The following BRME1 variants were observed in gnomAD, a reference collection of about 807,000 sequenced individuals.
BRME1 encodes break repair meiotic recombinase recruitment factor 1.
BRME1 carries 31 observed loss-of-function variants against 52.6 expected under a neutral mutation model. That is an observed-to-expected ratio of 0.59 (90% CI 0.44 to 0.80). The LOEUF (loss-of-function observed/expected upper bound fraction) is 0.80, where lower values mean the gene tolerates loss of function less well. BRME1 is among the 30% of genes least tolerant of loss of function. The probability of loss-of-function intolerance (pLI) is 0.00; values close to 1 mark genes in which losing one functional copy is unlikely to be tolerated. For missense variants in BRME1, 804 were observed against 860.3 expected, an observed-to-expected ratio of 0.93 and a Z score of 0.82; for synonymous variants, 359 against 353.6, an observed-to-expected ratio of 1.02 and a Z score of -0.17.
chr19:13,899,604 G>A (rs1970159150), intron 2 of BRME1, among the ~76,000 whole-genome samples: 1 of 152,150 alleles, frequency 6.6e-6, no homozygotes, highest in Admixed American at 6.6e-5. Flanking sequence ...TGAGTGCAAT[G>A]CACCCTTTGA....
intron 2 of BRME1, among the ~76,000 whole-genome samples, chr19:13,897,714 T>G (rs1970004917): frequency 6.6e-6 from 1 of 151,658 alleles, no homozygotes; most frequent in South Asian, 2.1e-4. Flanking sequence ...GTACGAAAAT[T>G]AGCCAAACAT....
chr19:13,902,601 G>A (rs895804798), intron 2 of BRME1, among the ~76,000 whole-genome samples: 1 of 147,954 alleles, frequency 6.8e-6, no homozygotes, highest in African/African-American at 2.5e-5. Flanking sequence ...GCGCCAGCCT[G>A]GGCAACAAGA....
chr19:13,889,966 C>T lies in BRME1; in HGVS notation c.890G>A (p.Trp297Ter). The part of the protein sequence containing the change: ...GPAPGLGPAS[W>*]CLEPGSVAQG... ...GGCCACAGACCCGGGTTCCAGGCAC[C>T]AAGAGGCAGGGCCCAGTCCTGGAGC... Residue 297 changes from tryptophan (W) to a stop codon, truncating the protein, a stop_gained, in exon 6 of 9, where the codon TGG becomes TAG. Coordinates refer to ENST00000586783, the MANE Select transcript of BRME1 (RefSeq NM_001345843.2). LOFTEE classifies it high-confidence loss of function. 3 of 1,612,730 alleles carry T rather than the reference C, an allele frequency of 1.9e-6. No individual in the cohort carries two copies. Among genetic ancestry groups the T allele is most frequent in the Non-Finnish European group, 2.5e-6 (3 of 1,179,970 alleles).
Position 13,890,447 on chromosome 19 carries a change from A to C in BRME1, c.409T>G (p.Ser137Ala), listed in dbSNP as rs759078366. ...TGGCATCCTGGACTCTGGGCGCTGGACTCTGCGATTGTTTCCTGTGGACAG... is the reference window on the plus strand; with the variant it reads ...TGGCATCCTGGACTCTGGGCGCTGGCCTCTGCGATTGTTTCCTGTGGACAG... Reference protein sequence around the residue: ...GAFSLETIAESSAQSPGCQLL... With the variant: ...GAFSLETIAEASAQSPGCQLL... Residue 137 changes from serine to alanine, a missense_variant, in exon 6 of 9, where the codon TCC becomes GCC. By Grantham distance (99) the Ser-to-Ala change is moderately conservative (BLOSUM62 1). Coordinates refer to ENST00000586783, the MANE Select transcript of BRME1 (RefSeq NM_001345843.2). 4 of 1,500,312 alleles carry C rather than the reference A, an allele frequency of 2.7e-6. No individual in the cohort carries two copies. Among genetic ancestry groups the C allele is most frequent in the Non-Finnish European group, 3.5e-6 (4 of 1,130,862 alleles). The allele number at this position is 1,500,312 out of a possible 1,614,324, so 92.9% of individuals were successfully genotyped here.
rs549392956 is a variant in BRME1 at position 13,890,513 on chromosome 19, C to T, written c.394-51G>A. 23 of 1,426,166 alleles carry T rather than the reference C, an allele frequency of 1.6e-5. No homozygotes were observed. In the East Asian group the frequency reaches 2.5e-4, roughly 15 times the overall value. The allele number at this position is 1,426,166 out of a possible 1,614,324, so 88.3% of individuals were successfully genotyped here. A position where few individuals can be genotyped will look rare whatever the true frequency, so the allele number is the denominator to read the frequency against. ...CGGGGCCTTTGATAACCAAGTTCTC[C>T]GAAGAGTTTTCTATTAGGTTGGTGT... On this transcript the variant is annotated intron_variant, in intron 5 of 8. Coordinates refer to ENST00000586783, the MANE Select transcript of BRME1 (RefSeq NM_001345843.2).
At chr19:13,900,760 C>A (rs1278251991) in intron 2 of BRME1, among the ~76,000 whole-genome samples, 1 of 151,758 alleles carries the variant, frequency 6.6e-6, no homozygotes, top group East Asian at 1.9e-4. Context: ...AATCTCAGCT[C>A]TCCTGGGCTC....
chr19:13,889,366 C>G lies in BRME1; in HGVS notation c.1490G>C (p.Gly497Ala). ...GGTGTCTGGAATGCCCTGCTGAGCCCCGGGCTCCTGGAGAGGGTCGTCTGC... is the reference window on the plus strand; with the variant it reads ...GGTGTCTGGAATGCCCTGCTGAGCCGCGGGCTCCTGGAGAGGGTCGTCTGC... ...EIADDPLQEP[G>A]AQQGIPDTTS... The change falls in exon 6 of 9, where the codon GGG (glycine) becomes GCG (alanine). Residue 497 changes from glycine to alanine, a missense_variant. Physicochemically the swap from Gly to Ala is moderately conservative, Grantham distance 60. Transcript: ENST00000586783. 1 of 1,614,136 alleles carries G rather than the reference C, an allele frequency of 6.2e-7. No individual in the cohort carries two copies. Among genetic ancestry groups the G allele is most frequent in the Non-Finnish European group, 8.5e-7 (1 of 1,180,026 alleles).
At chr19:13,886,457 C>T (rs865787143) in intron 6 of BRME1, among the ~76,000 whole-genome samples, 21 of 152,180 alleles carry the variant, frequency 1.4e-4, no homozygotes, top group South Asian at 2.1e-4. Flanking sequence ...GGGGCAACTG[C>T]GGTGAAGTGG....
intron 2 of BRME1, among the ~76,000 whole-genome samples, chr19:13,898,332 A>G (rs1397443743): frequency 6.6e-6 from 1 of 151,744 alleles, no homozygotes; most frequent in Non-Finnish European, 1.5e-5. Context: ...AAGACAAACC[A>G]ACAGCCAGGT....
At chr19:13,894,547 G>A (rs1351942946) in intron 3 of BRME1, among the ~76,000 whole-genome samples, 2 of 150,466 alleles carry the variant, frequency 1.3e-5, no homozygotes, top group Non-Finnish European at 3.0e-5. Context: ...AAATAAATAA[G>A]GATATGTATA....
At chr19:13,903,876 T>G (rs1310034367) in intron 2 of BRME1, among the ~76,000 whole-genome samples, 1 of 152,038 alleles carries the variant, frequency 6.6e-6, no homozygotes, top group Non-Finnish European at 1.5e-5. Context: ...ACCCAGGTTT[T>G]GGGCCCCAGA....
chr19:13,883,253 A>T lies in BRME1; in HGVS notation c.1856+55T>A. On this transcript the variant is annotated intron_variant, in intron 8 of 8. Coordinates refer to ENST00000586783, the MANE Select transcript of BRME1 (RefSeq NM_001345843.2). The surrounding 1 kb of genome is among the most constrained non-coding windows in gnomAD (Gnocchi z 4.2). ...ACTTCAGTCCCTCCCTGCTCCTCTG[A>T]GTCCCCACTGGCCTCCCGCAGACCC... 1 of 1,446,924 alleles carries T rather than the reference A, an allele frequency of 6.9e-7. No homozygotes were observed. The highest frequency in any genetic ancestry group is 9.4e-7 in the Non-Finnish European group (1 of 1,068,814). 89.6% of individuals were successfully genotyped at this position (1,446,924 alleles called of 1,614,324 possible). A position where few individuals can be genotyped will look rare whatever the true frequency, so the allele number is the denominator to read the frequency against.
intron 6 of BRME1, among the ~76,000 whole-genome samples, chr19:13,887,793 G>A (rs1181916892): frequency 6.6e-6 from 1 of 151,112 alleles, no homozygotes; most frequent in Non-Finnish European, 1.5e-5. Context: ...TTTGAGACAG[G>A]GAGTTCAGCA....
At chr19:13,893,648 G>C (rs1969676471) in intron 3 of BRME1, among the ~76,000 whole-genome samples, 1 of 152,290 alleles carries the variant, frequency 6.6e-6, no homozygotes, top group Non-Finnish European at 1.5e-5. Context: ...CCTAGGCTGG[G>C]CGTGGTGGCT....
intron 2 of BRME1, among the ~76,000 whole-genome samples, chr19:13,899,609 C>A (rs1279662129): frequency 6.6e-6 from 1 of 152,158 alleles, no homozygotes; most frequent in Non-Finnish European, 1.5e-5. Flanking sequence ...GCAATGCACC[C>A]TTTGATCTCC....
At chr19:13,887,210 C>G (rs926055084) in intron 6 of BRME1, among the ~76,000 whole-genome samples, 1 of 152,232 alleles carries the variant, frequency 6.6e-6, no homozygotes, top group South Asian at 2.1e-4. Context: ...TGCTGTTCCC[C>G]GTGCCCCTGC....
intron 5 of BRME1, among the ~76,000 whole-genome samples, 188 bp downstream of exon 5, chr19:13,892,597 GA>G (rs945027557): frequency 3.3e-5 from 5 of 151,692 alleles, no homozygotes; most frequent in East Asian, 1.9e-4. Flanking sequence ...TCAAAAAAAA[GA>G]AAAAAAATAA....
At chr19:13,900,979 T>C (rs1361648758) in intron 2 of BRME1, among the ~76,000 whole-genome samples, 2 of 151,838 alleles carry the variant, frequency 1.3e-5, no homozygotes, top group Non-Finnish European at 2.9e-5. Context: ...CCAACAATCT[T>C]TCTTTTTTTC....
chr19:13,893,679 T>A (rs893118455), intron 3 of BRME1, among the ~76,000 whole-genome samples: 1 of 152,100 alleles, frequency 6.6e-6, no homozygotes, highest in African/African-American at 2.4e-5. Flanking sequence ...ATCCCAGCAC[T>A]GTGGGAAGCT....
Sources: allele counts gnomAD v4.1 joint callset (sites outside exome capture counted in the v4.1 genomes callset), GRCh38; gene constraint gnomAD v4.1.1; non-coding constraint Gnocchi (gnomAD v3.1); transcripts MANE v1.5; gene names NCBI Gene and HGNC (gene_info 2026-07-23, HGNC 2026-07-21).